The following MTREX variants were observed in gnomAD, a reference collection of about 807,000 sequenced individuals.
MTREX encodes Mtr4 exosome RNA helicase.
In MTREX, 76 loss-of-function variants were observed where a neutral mutation model predicts 135.4. That is an observed-to-expected ratio of 0.56 (90% CI 0.47 to 0.68). The LOEUF (loss-of-function observed/expected upper bound fraction) is 0.68, where lower values mean the gene tolerates loss of function less well. MTREX is among the 30% of genes least tolerant of loss of function. The pLI, the probability that MTREX is intolerant of heterozygous loss-of-function variation, is 0.00. For missense variants in MTREX, 920 were observed against 1,262.1 expected, an observed-to-expected ratio of 0.73 and a Z score of 4.11; for synonymous variants, 404 against 401.6, an observed-to-expected ratio of 1.01 and a Z score of -0.07.
Position 55,388,752 on chromosome 5 carries a change from G to A in MTREX, c.2181+650G>A, listed in dbSNP as rs977612222. Among the ~76,000 whole-genome samples, 5 of 152,022 alleles carry A rather than the reference G, an allele frequency of 3.3e-5. No homozygotes were observed. The East Asian group carries it at 9.6e-4, about 29-fold the overall frequency. ...GAACATAACCCAATTTTAAGGAGGA[G>A]GCTCTGTAATGACTGAAGCATTATT... On this transcript the variant is annotated intron_variant, in intron 19 of 26. Transcript: ENST00000230640.
At chr5:55,365,577 T>C (rs1750088358) in intron 15 of MTREX, among the ~76,000 whole-genome samples, 1 of 152,260 alleles carries the variant, frequency 6.6e-6, no homozygotes, top group African/African-American at 2.4e-5. Context: ...TTTAGAAATA[T>C]GTGGCCTACA....
intron 1 of MTREX, among the ~76,000 whole-genome samples, chr5:55,312,965 G>A (rs1371872872): frequency 1.3e-5 from 2 of 152,152 alleles, no homozygotes; most frequent in Admixed American, 6.6e-5. Flanking sequence ...TGTGCTTAGG[G>A]TGCACAATGC....
At chr5:55,372,173 T>C (rs1750213589) in intron 16 of MTREX, among the ~76,000 whole-genome samples, 1 of 152,178 alleles carries the variant, frequency 6.6e-6, no homozygotes. Context: ...TTAATGACTT[T>C]AGTCTGTCAA....
chr5:55,348,552 C>T (rs1749775495), intron 11 of MTREX, among the ~76,000 whole-genome samples: 1 of 152,140 alleles, frequency 6.6e-6, no homozygotes. Flanking sequence ...ATTTAAATTT[C>T]AGTTGTATTG....
intron 19 of MTREX, among the ~76,000 whole-genome samples, chr5:55,394,782 C>T (rs1018467264): frequency 2.0e-5 from 3 of 152,058 alleles, no homozygotes; most frequent in African/African-American, 4.8e-5. Flanking sequence ...CCTGTAATCC[C>T]AGCATTTTGG....
At chr5:55,308,616 G>A (rs1017309707) in intron 1 of MTREX, among the ~76,000 whole-genome samples, 6 of 152,154 alleles carry the variant, frequency 3.9e-5, no homozygotes, top group Non-Finnish European at 5.9e-5. Context: ...AGATAATAGT[G>A]CCTACCACTG....
intron 19 of MTREX, among the ~76,000 whole-genome samples, chr5:55,395,312 A>C (rs2111580409): frequency 1.3e-5 from 2 of 152,260 alleles, no homozygotes; most frequent in South Asian, 4.1e-4. Context: ...AGGCTGAGGC[A>C]GAAAAATTGC....
chr5:55,400,674 C>T (rs1579894708), intron 21 of MTREX, among the ~76,000 whole-genome samples: 1 of 152,098 alleles, frequency 6.6e-6, no homozygotes, highest in African/African-American at 2.4e-5. Context: ...ATATAATTTA[C>T]ACAGCATAGC....
chr5:55,400,501 G>T, intron 21 of MTREX, 80 bp downstream of exon 21: 2 of 1,028,308 alleles, frequency 1.9e-6, no homozygotes, highest in Non-Finnish European at 2.7e-6. Flanking sequence ...TTCTTATCCT[G>T]TTGGTTTAAT....
At chr5:55,400,152 A>T in intron 20 of MTREX, 81 bp from the exon 21 acceptor site, 1 of 1,081,742 alleles carries the variant, frequency 9.2e-7, no homozygotes, top group South Asian at 2.1e-5. Context: ...ATGTGCATAG[A>T]AAAAAAGGGA....
At chr5:55,339,745 C>T (rs753643193) in intron 5 of MTREX, among the ~76,000 whole-genome samples, 24 of 152,150 alleles carry the variant, frequency 1.6e-4, no homozygotes, top group Non-Finnish European at 3.2e-4. Flanking sequence ...GTTTTCCTTG[C>T]AAGAAATAGG....
At position 55,366,821 on chromosome 5, in the gene MTREX, GA is replaced by G; in HGVS notation, c.1761del (p.Lys587AsnfsTer15). On this transcript the variant is annotated frameshift_variant, in exon 16 of 27. Coordinates refer to ENST00000230640, the MANE Select transcript of MTREX (RefSeq NM_015360.5). LOFTEE classifies it high-confidence loss of function. ...AGAAATTAATCCTGAGTACATGTTG[GA>G]AAAATCCTTCTACCAGTTTCAGCAT... is the stretch of plus-strand genomic sequence containing the variant. ...VEEINPEYML[E>X]KSFYQFQHYR... 6.2e-7 allele frequency: 1 copy of G among 1,609,502 alleles called. No individual in the cohort carries two copies. The highest frequency in any genetic ancestry group is 8.5e-7 in the Non-Finnish European group (1 of 1,177,748).
intron 2 of MTREX, among the ~76,000 whole-genome samples, chr5:55,323,794 T>G (rs1289909203): frequency 6.6e-6 from 1 of 152,230 alleles, no homozygotes; most frequent in Non-Finnish European, 1.5e-5. Flanking sequence ...TGTAATGGTT[T>G]ATAACCAGCT....
At chr5:55,372,892 ATGTGTGTGTG>A (rs59026723) in intron 16 of MTREX, among the ~76,000 whole-genome samples, 365 of 120,988 alleles carry the variant, frequency 3.0e-3, no homozygotes, top group East Asian at 0.012. Context: ...TAAAACTGTA[ATGTGTGTGTG>A]TGTGTGTGTG....
At chr5:55,350,110 C>T (rs748979027) in intron 12 of MTREX, among the ~76,000 whole-genome samples, 4 of 152,156 alleles carry the variant, frequency 2.6e-5, no homozygotes, top group African/African-American at 7.2e-5. Context: ...GTGCCACTTC[C>T]AGAGATTCTG....
intron 23 of MTREX, among the ~76,000 whole-genome samples, chr5:55,412,651 G>A (rs1242176282): frequency 6.6e-6 from 1 of 152,182 alleles, no homozygotes; most frequent in Non-Finnish European, 1.5e-5. Flanking sequence ...TTATATTGAG[G>A]CCTATAGGAG....
At position 55,358,781 on chromosome 5, in the gene MTREX, C is replaced by T. The variant is rs973246827; in HGVS notation, c.1659+83C>T. 7.6e-6 allele frequency: 9 copies of T among 1,180,806 alleles called. No individual in the cohort carries two copies. The African/African-American group carries it at 1.2e-4, about 16-fold the overall frequency. The allele number at this position is 1,180,806 out of a possible 1,614,324, so 73.1% of individuals were successfully genotyped here. A position where few individuals can be genotyped will look rare whatever the true frequency, so the allele number is the denominator to read the frequency against. ...CCATTTCAGAATTGGTTGTGTCAGTCAGACACCTAAGTGAAATGAGTTAAT... is the reference window on the plus strand; with the variant it reads ...CCATTTCAGAATTGGTTGTGTCAGTTAGACACCTAAGTGAAATGAGTTAAT... On this transcript the variant is annotated intron_variant, in intron 15 of 26. Coordinates refer to ENST00000230640, the MANE Select transcript of MTREX (RefSeq NM_015360.5).
chr5:55,370,129 G>T (rs1198784371), intron 16 of MTREX, among the ~76,000 whole-genome samples: 1 of 151,986 alleles, frequency 6.6e-6, no homozygotes, highest in Non-Finnish European at 1.5e-5. Flanking sequence ...CTCCATGTTG[G>T]TCAAGCTGGT....
At chr5:55,367,878 G>T (rs1199485127) in intron 16 of MTREX, among the ~76,000 whole-genome samples, 4 of 152,144 alleles carry the variant, frequency 2.6e-5, no homozygotes, top group Admixed American at 1.3e-4. Flanking sequence ...ATCGTAAAAA[G>T]GAGAAAGAAA....
Sources: allele counts gnomAD v4.1 joint callset (sites outside exome capture counted in the v4.1 genomes callset), GRCh38; gene constraint gnomAD v4.1.1; transcripts MANE v1.5; gene names NCBI Gene and HGNC (gene_info 2026-07-23, HGNC 2026-07-21).